CSMD1: variants seen among roughly 807,000 people sequenced by gnomAD.
The protein encoded by CSMD1 is CUB and Sushi multiple domains 1.
CSMD1 carries 213 observed loss-of-function variants against 417.5 expected under a neutral mutation model. The observed-to-expected ratio is 0.51, with a 90% CI of 0.46 to 0.57. The LOEUF (loss-of-function observed/expected upper bound fraction) is 0.57. Among genes scored for constraint, CSMD1 ranks in the 20% least tolerant of loss-of-function variants. CSMD1 has a pLI of 0.00. For synonymous variants in CSMD1, 2,862 were observed against 1,736.8 expected, an observed-to-expected ratio of 1.65 and a Z score of -16.11; for missense variants, 6,923 against 4,529.7, an observed-to-expected ratio of 1.53 and a Z score of -15.17.
intron 41 of CSMD1, chr8:3,128,458 A>T (rs1265875354): frequency 5.4e-6 from 1 of 184,342 alleles, no homozygotes; most frequent in African/African-American, 2.4e-5. Flanking sequence ...AATAAGGTGT[A>T]CAGCACAGAC....
chr8:3,052,432 A>G (rs1218669662), intron 50 of CSMD1, 30 bp downstream of exon 50: 1 of 1,536,774 alleles, frequency 6.5e-7, no homozygotes, highest in Non-Finnish European at 8.8e-7. Flanking sequence ...CTAAACCCAC[A>G]AAGATGGGCA....
At chr8:4,184,984 C>T (rs940786528) in intron 3 of CSMD1, among the ~76,000 whole-genome samples, 1 of 151,606 alleles carries the variant, frequency 6.6e-6, no homozygotes, top group Non-Finnish European at 1.5e-5. Context: ...TTAAAAAATA[C>T]AAAAATTAGC....
At chr8:4,113,941 AAAG>A (rs1209197311) in intron 3 of CSMD1, among the ~76,000 whole-genome samples, 1 of 152,146 alleles carries the variant, frequency 6.6e-6, no homozygotes, top group Non-Finnish European at 1.5e-5. Context: ...AGATTTAAGA[AAAG>A]AAGCCATCTC....
At chr8:3,401,218 T>A (rs1205048546) in intron 15 of CSMD1, among the ~76,000 whole-genome samples, 1 of 152,050 alleles carries the variant, frequency 6.6e-6, no homozygotes, top group Non-Finnish European at 1.5e-5. Context: ...TCCAAAAAAA[T>A]TATGATAGTT....
chr8:3,514,458 C>T (rs1012637877), intron 10 of CSMD1, among the ~76,000 whole-genome samples: 1 of 152,156 alleles, frequency 6.6e-6, no homozygotes, highest in Non-Finnish European at 1.5e-5. Flanking sequence ...CACGGGTCAT[C>T]CCCACTGAAG....
At chr8:3,351,411 G>C (rs1323450644) in intron 21 of CSMD1, among the ~76,000 whole-genome samples, 1 of 151,910 alleles carries the variant, frequency 6.6e-6, no homozygotes, top group East Asian at 1.9e-4. Flanking sequence ...AGGAGTTGAA[G>C]ACCAGCCTGG....
intron 3 of CSMD1, among the ~76,000 whole-genome samples, chr8:4,156,701 G>C (rs375749661): frequency 2.6e-5 from 4 of 152,136 alleles, no homozygotes; most frequent in African/African-American, 7.2e-5. Flanking sequence ...AGGGGCCCAA[G>C]AAGAGACTAT....
intron 3 of CSMD1, among the ~76,000 whole-genome samples, chr8:4,181,863 G>T (rs1185586604): frequency 2.0e-5 from 3 of 152,016 alleles, no homozygotes; most frequent in African/African-American, 7.2e-5. Flanking sequence ...TTCTCCTTTA[G>T]CCTAGTTGAT....
chr8:4,909,416 A>G (rs1207058459), intron 1 of CSMD1, among the ~76,000 whole-genome samples: 6 of 152,108 alleles, frequency 3.9e-5, no homozygotes, highest in Non-Finnish European at 8.8e-5. Flanking sequence ...TGAATTTTCC[A>G]CTAGCAAGAC....
At chr8:4,586,014 CCT>C (rs1799680261) in intron 2 of CSMD1, among the ~76,000 whole-genome samples, 1 of 152,042 alleles carries the variant, frequency 6.6e-6, no homozygotes, top group African/African-American at 2.4e-5. Context: ...TTCATCATTA[CCT>C]TTTTCATTAT....
intron 7 of CSMD1, among the ~76,000 whole-genome samples, chr8:3,619,202 A>G (rs1802295942): frequency 6.6e-6 from 1 of 152,146 alleles, no homozygotes; most frequent in Admixed American, 6.6e-5. Context: ...AATAAAAACA[A>G]AAATACAGCA....
chr8:4,153,629 C>G (rs936381197), intron 3 of CSMD1, among the ~76,000 whole-genome samples: 3 of 152,204 alleles, frequency 2.0e-5, no homozygotes, highest in African/African-American at 7.2e-5. Flanking sequence ...CTCTCTTCAC[C>G]TTGCAAGGCA....
At chr8:4,423,838 C>A (rs942294908) in intron 2 of CSMD1, among the ~76,000 whole-genome samples, 1 of 152,050 alleles carries the variant, frequency 6.6e-6, no homozygotes, top group African/African-American at 2.4e-5. Context: ...ACGGTTAAGA[C>A]TATTTGGTAT....
chr8:3,383,966 G>C (rs59412075), intron 18 of CSMD1, among the ~76,000 whole-genome samples: 31,127 of 152,078 alleles, frequency 0.2, 3,320 homozygotes, highest in African/African-American at 0.28. Context: ...AAAGAAGCTG[G>C]ACAAACAGGA....
intron 3 of CSMD1, among the ~76,000 whole-genome samples, chr8:4,092,459 T>C (rs17068917): frequency 0.12 from 18,885 of 152,246 alleles, 1,490 homozygotes; most frequent in South Asian, 0.37. Context: ...TATGACACTC[T>C]TATCTTTGGT....
chr8:4,110,001 C>G (rs940905222), intron 3 of CSMD1, among the ~76,000 whole-genome samples: 13 of 152,096 alleles, frequency 8.5e-5, no homozygotes, highest in African/African-American at 3.1e-4. Context: ...CAGAATCATC[C>G]TGTGTTAACT....
At chr8:2,977,297 T>A (rs1464129701) in intron 55 of CSMD1, among the ~76,000 whole-genome samples, 3 of 152,144 alleles carry the variant, frequency 2.0e-5, no homozygotes, top group South Asian at 4.1e-4. Flanking sequence ...TGAGTGTTGG[T>A]CCTCTCCCTG....
intron 3 of CSMD1, among the ~76,000 whole-genome samples, chr8:4,074,197 T>C (rs376508052): frequency 3.3e-5 from 5 of 152,084 alleles, no homozygotes; most frequent in African/African-American, 9.7e-5. Context: ...AATGTCACTA[T>C]GCTAAATTGT....
intron 50 of CSMD1, among the ~76,000 whole-genome samples, chr8:3,048,317 A>G (rs1414081870): frequency 6.6e-6 from 1 of 152,218 alleles, no homozygotes; most frequent in Non-Finnish European, 1.5e-5. Context: ...AGTGTCCGAT[A>G]CATCATATTC....
Sources: allele counts gnomAD v4.1 joint callset (sites outside exome capture counted in the v4.1 genomes callset), GRCh38; gene constraint gnomAD v4.1.1; transcripts MANE v1.5; gene names NCBI Gene and HGNC (gene_info 2026-07-23, HGNC 2026-07-21).